RAPGEF2: variants seen among roughly 807,000 people sequenced by gnomAD.
The protein encoded by RAPGEF2 is Rap guanine nucleotide exchange factor 2, also known as PDZ domain containing guanine nucleotide exchange factor (GEF) 1.
A neutral mutation model predicts 186.7 loss-of-function variants in RAPGEF2; 54 were observed. The observed-to-expected ratio is 0.29, with a 90% CI of 0.23 to 0.36. RAPGEF2 has a LOEUF of 0.36. RAPGEF2 is among the 10% of genes least tolerant of loss of function. The pLI is 1.00. For synonymous variants in RAPGEF2, 712 were observed against 705.9 expected, an observed-to-expected ratio of 1.01 and a Z score of -0.14; for missense variants, 1,532 against 2,045.0, an observed-to-expected ratio of 0.75 and a Z score of 4.84.
At chr4:159,354,481 T>C (rs13136261) in intron 28 of RAPGEF2, among the ~76,000 whole-genome samples, 70,284 of 152,092 alleles carry the variant, frequency 0.46, 18,116 homozygotes, top group Non-Finnish European at 0.6. Context: ...TTAAAAGTCT[T>C]CCATTGATTT....
intron 7 of RAPGEF2, among the ~76,000 whole-genome samples, chr4:159,265,320 G>A (rs1041395560): frequency 3.9e-5 from 6 of 152,138 alleles, no homozygotes; most frequent in Admixed American, 2.0e-4. Context: ...AAATTACAAC[G>A]GTAGTAAATG....
intron 4 of RAPGEF2, among the ~76,000 whole-genome samples, chr4:159,234,401 G>T: frequency 6.6e-6 from 1 of 152,038 alleles, no homozygotes; most frequent in African/African-American, 2.4e-5. Flanking sequence ...ATTATTTTTT[G>T]AGACGGAATC....
chr4:159,213,756 G>T (rs1750743858), intron 4 of RAPGEF2, among the ~76,000 whole-genome samples: 1 of 152,098 alleles, frequency 6.6e-6, no homozygotes, highest in South Asian at 2.1e-4. Flanking sequence ...CATGAGTATT[G>T]TTCCTTGTTA....
chr4:159,267,367 A>ATT, intron 7 of RAPGEF2: 4 of 1,266,702 alleles, frequency 3.2e-6, no homozygotes, highest in Non-Finnish European at 4.1e-6. Flanking sequence ...GATTTTTGAG[A>ATT]TTGTGTGTGT....
At chr4:159,162,560 T>C (rs1306142199) in intron 1 of RAPGEF2, among the ~76,000 whole-genome samples, 1 of 152,224 alleles carries the variant, frequency 6.6e-6, no homozygotes, top group Non-Finnish European at 1.5e-5. Flanking sequence ...TAGAACCTAC[T>C]TAAATCCTGC....
chr4:159,284,936 C>T (rs897605897), intron 7 of RAPGEF2, among the ~76,000 whole-genome samples: 12 of 152,062 alleles, frequency 7.9e-5, no homozygotes, highest in African/African-American at 2.9e-4. Context: ...GCCTGTGGTT[C>T]CAGCTACTTG....
At chr4:159,133,830 G>A (rs1404203205) in intron 1 of RAPGEF2, among the ~76,000 whole-genome samples, 23 of 151,994 alleles carry the variant, frequency 1.5e-4, no homozygotes, top group Admixed American at 1.4e-3. Flanking sequence ...TGATCCGCCC[G>A]CCTCGGCCTC....
chr4:159,144,546 C>A (rs907043860), intron 1 of RAPGEF2, among the ~76,000 whole-genome samples: 1 of 152,164 alleles, frequency 6.6e-6, no homozygotes, highest in Non-Finnish European at 1.5e-5. Context: ...TTCAAATGGT[C>A]TCAGTTCAGT....
At position 159,330,343 on chromosome 4, in the gene RAPGEF2, G is replaced by C. The variant is rs1766519540; in HGVS notation, c.1312G>C (p.Glu438Gln). 2 of 1,564,028 alleles carry C rather than the reference G, an allele frequency of 1.3e-6. No homozygotes were observed. Among genetic ancestry groups the C allele is most frequent in the African/African-American group, 2.8e-5 (2 of 72,110 alleles). Residue 438 changes from glutamate to glutamine, a missense_variant, in exon 13 of 30, where the codon GAA (glutamate) becomes CAA (glutamine). Coordinates refer to ENST00000691494, the MANE Select transcript of RAPGEF2 (RefSeq NM_001394067.2). Reference sequence around the variant, plus strand: ...CTTTTCTTTGTTACAGGGTACCTCAGAAAGGTTAACAATGCATTTGGTGGA... The same window carrying C: ...CTTTTCTTTGTTACAGGGTACCTCACAAAGGTTAACAATGCATTTGGTGGA... ...KGHIVIKGTSERLTMHLVEEH... is the reference protein window; with the variant it reads ...KGHIVIKGTSQRLTMHLVEEH...
chr4:159,341,138 G>C (rs555659576), intron 19 of RAPGEF2, among the ~76,000 whole-genome samples: 1 of 152,096 alleles, frequency 6.6e-6, no homozygotes, highest in East Asian at 1.9e-4. Flanking sequence ...AATAATCACA[G>C]ATTATTGATA....
chr4:159,160,206 A>T (rs1236681131), intron 1 of RAPGEF2, among the ~76,000 whole-genome samples: 1 of 152,190 alleles, frequency 6.6e-6, no homozygotes, highest in East Asian at 1.9e-4. Flanking sequence ...CCTTTTACTG[A>T]TTCCCATTCT....
Position 159,164,304 on chromosome 4 carries a change from GTT to G in RAPGEF2, c.70-22324_70-22323del, listed in dbSNP as rs10717642. Among the ~76,000 whole-genome samples the G allele has an allele frequency of 1.7e-3, 236 of 141,992 alleles. 5 individuals carry two copies. The East Asian group carries it at 0.03, about 18-fold the overall frequency. 93.2% of individuals were successfully genotyped at this position (141,992 alleles called of 152,430 possible). ...CAGGCGTGAGCCACTGCACCCGGCT[GTT>G]TTTTTTTTTTTTTCCTTCTTCTTCT... On this transcript the variant is annotated intron_variant, in intron 1 of 29. Transcript: ENST00000691494.
intron 1 of RAPGEF2, among the ~76,000 whole-genome samples, chr4:159,127,088 G>A (rs1022773297): frequency 1.3e-5 from 2 of 152,166 alleles, no homozygotes; most frequent in Non-Finnish European, 2.9e-5. Flanking sequence ...GTGCAGTGGT[G>A]CTATCTTGGC....
intron 1 of RAPGEF2, chr4:159,128,960 AT>A (rs1367509858): frequency 1.3e-4 from 19 of 147,078 alleles, no homozygotes; most frequent in African/African-American, 4.5e-4. Context: ...ATATATATAT[AT>A]AAATCTATTT....
At position 159,313,143 on chromosome 4, in the gene RAPGEF2, GTC is replaced by G. The variant is rs1299114743; in HGVS notation, c.676-1445_676-1444del. On this transcript the variant is annotated intron_variant, in intron 8 of 29. Coordinates refer to ENST00000691494, the MANE Select transcript of RAPGEF2 (RefSeq NM_001394067.2). Reference sequence around the variant, plus strand: ...AGCCTGGGCAACAGAGCAAGACTCTGTCTCAAAAAAAACAAAAAGAAAGAAAG... The same window carrying G: ...AGCCTGGGCAACAGAGCAAGACTCTGTCAAAAAAAACAAAAAGAAAGAAAG... 8.7e-5 allele frequency among the ~76,000 whole-genome samples: 13 copies of G among 150,142 alleles called. No individual in the cohort carries two copies. The East Asian group carries it at 2.5e-3, about 29-fold the overall frequency.
At chr4:159,257,782 G>A (rs1288085101) in intron 7 of RAPGEF2, among the ~76,000 whole-genome samples, 12 of 152,126 alleles carry the variant, frequency 7.9e-5, no homozygotes, top group Admixed American at 7.2e-4. Context: ...TCATTGGTCT[G>A]TGTGTCTGTT....
chr4:159,278,010 G>A (rs1759159232), intron 7 of RAPGEF2, among the ~76,000 whole-genome samples: 1 of 152,152 alleles, frequency 6.6e-6, no homozygotes, highest in Non-Finnish European at 1.5e-5. Context: ...TAGTCATGAA[G>A]TCCTTGCCGA....
intron 3 of RAPGEF2, among the ~76,000 whole-genome samples, chr4:159,209,273 T>A (rs1377518483): frequency 2.0e-5 from 3 of 151,470 alleles, no homozygotes; most frequent in African/African-American, 7.3e-5. Context: ...TGAAGTGATT[T>A]TACAAAAAAA....
chr4:159,344,758 A>T (rs561291489), intron 23 of RAPGEF2, among the ~76,000 whole-genome samples: 1 of 152,200 alleles, frequency 6.6e-6, no homozygotes, highest in African/African-American at 2.4e-5. Flanking sequence ...TAATGTTGCA[A>T]ATCTTAATGA....
Sources: allele counts gnomAD v4.1 joint callset (sites outside exome capture counted in the v4.1 genomes callset), GRCh38; gene constraint gnomAD v4.1.1; transcripts MANE v1.5; gene names NCBI Gene and HGNC (gene_info 2026-07-23, HGNC 2026-07-21).